MCM9: variants seen among roughly 807,000 people sequenced by gnomAD.
MCM9 encodes minichromosome maintenance 9 homologous recombination repair factor.
Under a neutral mutation model 72.8 loss-of-function variants are expected in MCM9, and 55 were observed. The observed-to-expected ratio is 0.76, with a 90% CI of 0.61 to 0.95. The LOEUF is 0.95. MCM9 is among the 40% of genes least tolerant of loss of function. The probability of loss-of-function intolerance (pLI) is 0.00; values close to 1 mark genes in which losing one functional copy is unlikely to be tolerated. For synonymous variants in MCM9, 480 were observed against 503.4 expected (o/e 0.95, Z 0.62); for missense variants, 1,279 against 1,377.0 (o/e 0.93, Z 1.13).
chr6:118,858,434 TCTC>T (rs1466890455), intron 8 of MCM9, among the ~76,000 whole-genome samples: 1 of 152,076 alleles, frequency 6.6e-6, no homozygotes, highest in Non-Finnish European at 1.5e-5. Context: ...TGTTTCCTCA[TCTC>T]CTACAAAGAT....
chr6:118,931,759 CATATT>C (rs949541066), intron 2 of MCM9, 21 bp from the exon 3 acceptor site: 6 of 1,512,302 alleles, frequency 4.0e-6, no homozygotes, highest in Non-Finnish European at 5.3e-6. Context: ...AAAAAAGGAT[CATATT>C]ATATATTTGA....
chr6:118,840,642 A>T (rs1334682024), intron 9 of MCM9, among the ~76,000 whole-genome samples: 1 of 152,114 alleles, frequency 6.6e-6, no homozygotes, highest in African/African-American at 2.4e-5. Context: ...AACCCAATAA[A>T]ACTGCAAAAT....
At chr6:118,853,522 C>CCCCA (rs1164460129) in intron 9 of MCM9, among the ~76,000 whole-genome samples, 1 of 151,862 alleles carries the variant, frequency 6.6e-6, no homozygotes, top group African/African-American at 2.4e-5. Context: ...TTGCACTGGG[C>CCCCA]TGGGCATGGT....
At chr6:118,849,485 C>T (rs1400304312) in intron 9 of MCM9, among the ~76,000 whole-genome samples, 2 of 151,148 alleles carry the variant, frequency 1.3e-5, no homozygotes, top group African/African-American at 4.9e-5. Context: ...TCTCATTATA[C>T]AGAATATAAT....
At chr6:118,818,590 A>G (rs932378336) in intron 13 of MCM9, among the ~76,000 whole-genome samples, 1 of 152,212 alleles carries the variant, frequency 6.6e-6, no homozygotes, top group African/African-American at 2.4e-5. Flanking sequence ...CTTTTTGCTT[A>G]GGATTATCAT....
chr6:118,863,086 C>T (rs1304823502), intron 8 of MCM9, among the ~76,000 whole-genome samples: 1 of 152,030 alleles, frequency 6.6e-6, no homozygotes, highest in African/African-American at 2.4e-5. Flanking sequence ...AAGATAAAAA[C>T]TTTTATTTTC....
chr6:118,890,741 T>A (rs1288162482), intron 8 of MCM9, among the ~76,000 whole-genome samples: 1 of 152,246 alleles, frequency 6.6e-6, no homozygotes, highest in Non-Finnish European at 1.5e-5. Flanking sequence ...ACAGAAAATT[T>A]TATTTAAAAC....
chr6:118,866,400 C>T (rs1241645468), intron 8 of MCM9, among the ~76,000 whole-genome samples: 1 of 151,962 alleles, frequency 6.6e-6, no homozygotes, highest in Admixed American at 6.6e-5. Context: ...TGTGATGTAC[C>T]TGAGAGAAAA....
chr6:118,875,751 T>C (rs1027984820), intron 8 of MCM9, among the ~76,000 whole-genome samples: 6 of 152,158 alleles, frequency 3.9e-5, no homozygotes, highest in Admixed American at 1.3e-4. Context: ...GGTGAGGATG[T>C]GGAGCAACAG....
intron 13 of MCM9, among the ~76,000 whole-genome samples, chr6:118,819,749 C>T (rs1773666938): frequency 6.6e-6 from 1 of 152,128 alleles, no homozygotes; most frequent in Non-Finnish European, 1.5e-5. Flanking sequence ...CTGTCTGGTC[C>T]TGGACTTTTT....
intron 13 of MCM9, among the ~76,000 whole-genome samples, chr6:118,819,788 C>T (rs1259555869): frequency 6.6e-6 from 1 of 152,202 alleles, no homozygotes; most frequent in African/African-American, 2.4e-5. Flanking sequence ...ATTACTGCCT[C>T]ACTTTCAGAA....
chr6:118,901,354 A>C (rs1345286244), intron 8 of MCM9, among the ~76,000 whole-genome samples: 1 of 152,242 alleles, frequency 6.6e-6, no homozygotes, highest in Non-Finnish European at 1.5e-5. Context: ...CATAATCAGT[A>C]GTTGAGCTAG....
chr6:118,816,423 A>G (rs1773411490), intron 13 of MCM9, 129 bp from the exon 14 acceptor site: 2 of 672,182 alleles, frequency 3.0e-6, no homozygotes, highest in South Asian at 3.7e-5. Context: ...GTTAATATCA[A>G]ATACAACCTC....
intron 13 of MCM9, among the ~76,000 whole-genome samples, chr6:118,816,726 T>C (rs1334599194): frequency 2.6e-5 from 4 of 152,228 alleles, no homozygotes; most frequent in Non-Finnish European, 5.9e-5. Context: ...ACTTGCTTAG[T>C]AGTCAGTTTG....
chr6:118,894,448 T>C, intron 8 of MCM9: 1 of 1,537,178 alleles, frequency 6.5e-7, no homozygotes, highest in Non-Finnish European at 8.7e-7. Context: ...GTAGTGGTGC[T>C]GGATAACCCT....
At chr6:118,869,144 G>A (rs969725904) in intron 8 of MCM9, among the ~76,000 whole-genome samples, 2 of 152,152 alleles carry the variant, frequency 1.3e-5, no homozygotes, top group Non-Finnish European at 1.5e-5. Context: ...ATCATTCTCA[G>A]CAAACTATCA....
At chr6:118,905,508 T>C in intron 8 of MCM9, 1 of 601,174 alleles carries the variant, frequency 1.7e-6, no homozygotes, top group Non-Finnish European at 2.8e-6. Flanking sequence ...CAGTCAGAAA[T>C]GAGCATTTTC....
chr6:118,932,073 A>G lies in MCM9; in HGVS notation c.-15-335T>C, dbSNP rs538180348. 3.3e-5 allele frequency among the ~76,000 whole-genome samples: 5 copies of G among 152,324 alleles called. No individual in the cohort carries two copies. In the East Asian group the frequency reaches 7.7e-4, roughly 24 times the overall value. ...GGCATGCACCTAACAACATTTCCGG[A>G]CTGCACTTATAATAGTGGTCTCATA... On this transcript the variant is annotated intron_variant, in intron 2 of 13. Transcript: ENST00000619706.
intron 8 of MCM9, among the ~76,000 whole-genome samples, chr6:118,866,010 G>GT (rs748616953): frequency 1.3e-4 from 20 of 152,196 alleles, no homozygotes; most frequent in Non-Finnish European, 2.5e-4. Flanking sequence ...GCTTCACCAT[G>GT]AAGATGGAAG....
Sources: gnomAD v4.1 joint callset for allele counts (sites outside exome capture counted in the v4.1 genomes callset) on GRCh38, gnomAD v4.1.1 for gene constraint, MANE v1.5 for transcripts, NCBI Gene and HGNC (gene_info 2026-07-23, HGNC 2026-07-21) for gene names.